Variants in CSMD1 observed in about 807,000 individuals in gnomAD.
The protein encoded by CSMD1 is CUB and sushi domain-containing protein 1.
In CSMD1, 213 loss-of-function variants were observed where a neutral mutation model predicts 417.5. The ratio of observed to expected loss-of-function variants is 0.51; its 90% confidence interval spans 0.46 to 0.57. The LOEUF is 0.57. CSMD1 is among the 20% of genes least tolerant of loss of function. The pLI, the probability that CSMD1 is intolerant of heterozygous loss-of-function variation, is 0.00. For missense variants in CSMD1, 6,923 were observed against 4,529.7 expected, an observed-to-expected ratio of 1.53 and a Z score of -15.17; for synonymous variants, 2,862 against 1,736.8, an observed-to-expected ratio of 1.65 and a Z score of -16.11.
chr8:3,766,131 C>T (rs1798256161), intron 5 of CSMD1, among the ~76,000 whole-genome samples: 1 of 152,144 alleles, frequency 6.6e-6, no homozygotes, highest in Admixed American at 6.5e-5. Context: ...GAGACAGTGG[C>T]CCTGATGGCA....
chr8:4,783,979 G>A (rs192808266), intron 1 of CSMD1, among the ~76,000 whole-genome samples: 221 of 152,296 alleles, frequency 1.5e-3, no homozygotes, highest in African/African-American at 5.1e-3. Flanking sequence ...TGGATGAGGT[G>A]CATGGCTACA....
intron 3 of CSMD1, among the ~76,000 whole-genome samples, chr8:4,347,619 T>C (rs977141958): frequency 6.6e-6 from 1 of 152,194 alleles, no homozygotes; most frequent in Non-Finnish European, 1.5e-5. Flanking sequence ...GCTCTGAGTC[T>C]TCTAGTGCAA....
chr8:3,467,754 A>G (rs561824762), intron 12 of CSMD1, among the ~76,000 whole-genome samples: 22 of 152,266 alleles, frequency 1.4e-4, no homozygotes, highest in South Asian at 1.0e-3. Context: ...ACTCATGACA[A>G]TGTCCCTTAC....
At chr8:4,776,429 C>G (rs748165788) in intron 1 of CSMD1, among the ~76,000 whole-genome samples, 1 of 152,106 alleles carries the variant, frequency 6.6e-6, no homozygotes, top group Non-Finnish European at 1.5e-5. Context: ...GAGAATTCTT[C>G]GGATCCTCAT....
At chr8:3,867,864 A>T (rs1370100830) in intron 5 of CSMD1, among the ~76,000 whole-genome samples, 1 of 151,974 alleles carries the variant, frequency 6.6e-6, no homozygotes, top group East Asian at 1.9e-4. Flanking sequence ...AGCATGGACC[A>T]CTGGCCAGAT....
At chr8:3,857,542 A>C (rs1412251502) in intron 5 of CSMD1, among the ~76,000 whole-genome samples, 3 of 152,190 alleles carry the variant, frequency 2.0e-5, no homozygotes, top group African/African-American at 7.2e-5. Context: ...ACTCCACTGG[A>C]AATGGCAGAG....
At chr8:3,426,238 T>C (rs962759025) in intron 12 of CSMD1, among the ~76,000 whole-genome samples, 9 of 152,202 alleles carry the variant, frequency 5.9e-5, no homozygotes, top group Non-Finnish European at 8.8e-5. Context: ...ATATACACAC[T>C]ACTCCTAAAC....
chr8:4,866,485 C>T (rs1019548081), intron 1 of CSMD1, among the ~76,000 whole-genome samples: 1 of 151,834 alleles, frequency 6.6e-6, no homozygotes, highest in African/African-American at 2.4e-5. Flanking sequence ...TGCATTTTAG[C>T]ATCTACTTTA....
chr8:4,426,491 A>C (rs1198485883), intron 2 of CSMD1, among the ~76,000 whole-genome samples: 1 of 148,038 alleles, frequency 6.8e-6, no homozygotes, highest in Admixed American at 6.8e-5. Flanking sequence ...TGACATATAT[A>C]GTAAAGTTTT....
chr8:3,778,579 G>C (rs552217594), intron 5 of CSMD1, among the ~76,000 whole-genome samples: 1 of 152,110 alleles, frequency 6.6e-6, no homozygotes, highest in Non-Finnish European at 1.5e-5. Flanking sequence ...AGATTCTCTA[G>C]CAGAAAAGAG....
chr8:3,187,829 A>T (rs1796152032), intron 36 of CSMD1, 40 bp downstream of exon 36: 1 of 1,487,924 alleles, frequency 6.7e-7, no homozygotes, highest in African/African-American at 1.4e-5. Flanking sequence ...GTGTTTGCAG[A>T]TTTTGAGTCA....
intron 3 of CSMD1, among the ~76,000 whole-genome samples, chr8:4,042,907 T>C (rs1444954892): frequency 6.9e-6 from 1 of 145,440 alleles, no homozygotes; most frequent in Non-Finnish European, 1.5e-5. Flanking sequence ...GTGGGAAGAT[T>C]ATGAGTTCAG....
intron 2 of CSMD1, among the ~76,000 whole-genome samples, chr8:4,466,247 T>A (rs1800160741): frequency 6.6e-6 from 1 of 151,818 alleles, no homozygotes; most frequent in Non-Finnish European, 1.5e-5. Context: ...CCTTCCCAGA[T>A]AACCACAGAT....
chr8:2,965,316 A>C (rs1302384525), intron 59 of CSMD1, among the ~76,000 whole-genome samples: 6 of 152,058 alleles, frequency 3.9e-5, no homozygotes, highest in African/African-American at 1.4e-4. Context: ...TCGGCAACCA[A>C]ACCCCATGAA....
chr8:4,385,389 C>T (rs1473673728), intron 3 of CSMD1, among the ~76,000 whole-genome samples: 1 of 152,222 alleles, frequency 6.6e-6, no homozygotes, highest in Non-Finnish European at 1.5e-5. Flanking sequence ...AACATTTGTT[C>T]TGAAGGGCAA....
intron 2 of CSMD1, among the ~76,000 whole-genome samples, chr8:4,465,230 G>A (rs777181243): frequency 1.3e-5 from 2 of 152,132 alleles, no homozygotes; most frequent in African/African-American, 2.4e-5. Flanking sequence ...CATTTGCTCT[G>A]AAGTTTGAGT....
intron 26 of CSMD1, among the ~76,000 whole-genome samples, chr8:3,246,048 T>A (rs570490366): frequency 5.4e-4 from 82 of 152,318 alleles, no homozygotes; most frequent in South Asian, 3.3e-3. Flanking sequence ...CCGAACTTCC[T>A]TCTTGTCTAC....
chr8:4,751,084 C>T (rs1464379810), intron 1 of CSMD1, among the ~76,000 whole-genome samples: 2 of 152,002 alleles, frequency 1.3e-5, no homozygotes, highest in African/African-American at 2.4e-5. Flanking sequence ...ACATGTGCAT[C>T]GTTAAAGAGA....
At chr8:4,772,836 G>A (rs1202115778) in intron 1 of CSMD1, among the ~76,000 whole-genome samples, 1 of 152,124 alleles carries the variant, frequency 6.6e-6, no homozygotes, top group Admixed American at 6.6e-5. Context: ...AGTTTGATAT[G>A]TATGTCTGCT....
Sources: gnomAD v4.1 joint callset for allele counts (sites outside exome capture counted in the v4.1 genomes callset) on GRCh38, gnomAD v4.1.1 for gene constraint, MANE v1.5 for transcripts, NCBI Gene and HGNC (gene_info 2026-07-23, HGNC 2026-07-21) for gene names.